The following ZNF585B variants were observed in gnomAD, a reference collection of about 807,000 sequenced individuals.
ZNF585B encodes the protein zinc finger protein 41-like protein.
In ZNF585B, 7 loss-of-function variants were observed where a neutral mutation model predicts 14.0. The observed-to-expected ratio is 0.50, with a 90% CI of 0.28 to 0.94. ZNF585B has a LOEUF of 0.94. Among genes scored for constraint, ZNF585B ranks in the 40% least tolerant of loss-of-function variants. The pLI is 0.09. For missense variants in ZNF585B, 750 were observed against 924.4 expected (o/e 0.81, Z 2.45); for synonymous variants, 290 against 317.3 (o/e 0.91, Z 0.91).
At chr19:37,199,144 C>A in intron 2 of ZNF585B, 2 of 612,430 alleles carry the variant, frequency 3.3e-6, no homozygotes, top group Non-Finnish European at 5.5e-6. Flanking sequence ...AACCCCCAAA[C>A]CCTATGTTAT....
Position 37,185,678 on chromosome 19 carries a change from T to C in ZNF585B, c.1859A>G (p.Gln620Arg). 2 of 1,608,862 alleles carry C rather than the reference T, an allele frequency of 1.2e-6. No individual in the cohort carries two copies. Among genetic ancestry groups the C allele is most frequent in the African/African-American group, 1.3e-5 (1 of 74,692 alleles). ...DCGKSFTSKS[Q>R]LLVHQPVHTG... ...GTGAACTGGCTGATGCACCAGGAGC[T>C]GAGACTTGGAGGTAAAGGACTTCCC... The change falls in exon 5 of 5, where the codon CAG (glutamine) becomes CGG (arginine). Residue 620 changes from glutamine (Q) to arginine (R), a missense_variant. Physicochemically the swap from Gln to Arg is conservative, Grantham distance 43. Around this residue, in one of 2 missense-constraint regions of ZNF585B, gnomAD observed 233 missense variants for 354.1 expected, o/e 0.66. Transcript: ENST00000532828.
In ZNF585B at chr19:37,183,740, G is replaced by T. The variant is rs1169365987; in HGVS notation, c.*1487C>A. 1.3e-5 allele frequency: 2 copies of T among 152,196 alleles called. No homozygotes were observed. The highest frequency in any genetic ancestry group is 2.9e-5 in the Non-Finnish European group (2 of 68,024). The allele number at this position is 152,196 out of a possible 1,614,324, so 9.4% of individuals were successfully genotyped here. A position where few individuals can be genotyped will look rare whatever the true frequency, so the allele number is the denominator to read the frequency against. ...GGGGAAGGTCCTTGTGGGGTGCGTG[G>T]GACGAAGATGGACACAAGTAGACAG... is the stretch of plus-strand genomic sequence containing the variant. On this transcript the variant is annotated 3_prime_UTR_variant, in exon 5 of 5. Coordinates refer to ENST00000532828, the MANE Select transcript of ZNF585B (RefSeq NM_152279.4).
chr19:37,201,620 A>G (rs1352408026), intron 2 of ZNF585B, among the ~76,000 whole-genome samples: 2 of 152,204 alleles, frequency 1.3e-5, no homozygotes, highest in Non-Finnish European at 2.9e-5. Flanking sequence ...AAAACCTTTA[A>G]TGTTATGCCA....
rs1972272717 is a variant in ZNF585B, at chr19:37,182,065, G to A, written c.*3162C>T. On this transcript the variant is annotated 3_prime_UTR_variant, in exon 5 of 5. Coordinates refer to ENST00000532828, the MANE Select transcript of ZNF585B (RefSeq NM_152279.4). ...TCTGAAGGGGGATGTTGATGATGGGGGAGGCTGTGTATATGTGAGGGTAGG... is the reference window on the plus strand; with the variant it reads ...TCTGAAGGGGGATGTTGATGATGGGAGAGGCTGTGTATATGTGAGGGTAGG... The A allele has an allele frequency of 6.6e-6, 1 of 152,062 alleles. No individual in the cohort carries two copies. Among genetic ancestry groups the A allele is most frequent in the African/African-American group, 2.4e-5 (1 of 41,388 alleles). 9.4% of individuals were successfully genotyped at this position (152,062 alleles called of 1,614,324 possible).
intron 2 of ZNF585B, among the ~76,000 whole-genome samples, chr19:37,206,606 GA>G (rs1972590232): frequency 1.3e-5 from 2 of 152,126 alleles, no homozygotes; most frequent in African/African-American, 4.8e-5. Flanking sequence ...GAAATACATA[GA>G]AAATAGTAGA....
At chr19:37,200,579 G>A (rs1972521360) in intron 2 of ZNF585B, among the ~76,000 whole-genome samples, 2 of 148,270 alleles carry the variant, frequency 1.3e-5, no homozygotes, top group Non-Finnish European at 3.0e-5. Context: ...AGCACAAAAG[G>A]TGGCAAAGAC....
chr19:37,205,354 A>G (rs566840909), intron 2 of ZNF585B, among the ~76,000 whole-genome samples: 1 of 152,362 alleles, frequency 6.6e-6, no homozygotes, highest in South Asian at 2.1e-4. Context: ...CCACGTGACT[A>G]GAACCCTGAA....
Position 37,189,736 on chromosome 19 carries a change from G to T in ZNF585B, c.217C>A (p.Pro73Thr), listed in dbSNP as rs754051015. The change falls in exon 4 of 5, where the codon CCA becomes ACA. Residue 73 changes from proline to threonine, a missense_variant. Physicochemically the swap from Pro to Thr is conservative, Grantham distance 38 (BLOSUM62 -1). Coordinates refer to ENST00000532828, the MANE Select transcript of ZNF585B (RefSeq NM_152279.4). Reference sequence around the variant, plus strand: ...CCTTGCTCCAACATGACCACCTCTGGTTTAGGAACTTGATACCCTGTTCAT... The same window carrying T: ...CCTTGCTCCAACATGACCACCTCTGTTTTAGGAACTTGATACCCTGTTCAT... Reference protein sequence around the residue: ...LLSVGYQVPKPEVVMLEQGKE... With the variant: ...LLSVGYQVPKTEVVMLEQGKE... The T allele has an allele frequency of 6.2e-7, 1 of 1,614,046 alleles. No homozygotes were observed.
At chr19:37,202,646 T>TGG (rs1599768274) in intron 2 of ZNF585B, among the ~76,000 whole-genome samples, 1 of 148,620 alleles carries the variant, frequency 6.7e-6, no homozygotes, top group East Asian at 2.0e-4. Flanking sequence ...CATGGTTTTT[T>TGG]TTTTTTTTTT....
chr19:37,186,087 G>A lies in ZNF585B; in HGVS notation c.1450C>T (p.His484Tyr). The change falls in exon 5 of 5, where the codon CAT becomes TAT. Residue 484 changes from histidine (H) to tyrosine (Y), a missense_variant. Around this residue, in one of 2 missense-constraint regions of ZNF585B, gnomAD observed 233 missense variants for 354.1 expected, o/e 0.66. Coordinates refer to ENST00000532828, the MANE Select transcript of ZNF585B (RefSeq NM_152279.4). ...AFTNRSNLIT[H>Y]QKTHTGEKSY... is the part of the protein sequence containing the mutation. ...TTCTCTCCTGTATGAGTTTTCTGATGTGTAATGAGATTTGACCGGTTGGTG... is the reference window on the plus strand; with the variant it reads ...TTCTCTCCTGTATGAGTTTTCTGATATGTAATGAGATTTGACCGGTTGGTG... 6.2e-7 allele frequency: 1 copy of A among 1,614,040 alleles called. No individual in the cohort carries two copies. Among genetic ancestry groups the A allele is most frequent in the African/African-American group, 1.3e-5 (1 of 75,010 alleles).
At chr19:37,195,068 G>A (rs968549678) in intron 2 of ZNF585B, among the ~76,000 whole-genome samples, 2 of 152,012 alleles carry the variant, frequency 1.3e-5, no homozygotes, top group African/African-American at 2.4e-5. Flanking sequence ...ACACCTGGCC[G>A]GGCATGATGG....
Position 37,181,855 on chromosome 19 carries a change from G to A in ZNF585B, c.*3372C>T, listed in dbSNP as rs956357437. On this transcript the variant is annotated 3_prime_UTR_variant, in exon 5 of 5. Coordinates refer to ENST00000532828, the MANE Select transcript of ZNF585B (RefSeq NM_152279.4). ...AGAAAATAGCCAGGAGTTTAGAGGA[G>A]TAGGCGAAACACAGAGGATTATTGG... The A allele has an allele frequency of 5.3e-5, 8 of 152,240 alleles. No homozygotes were observed. Among genetic ancestry groups the A allele is most frequent in the Non-Finnish European group, 1.2e-4 (8 of 68,044 alleles). 9.4% of individuals were successfully genotyped at this position (152,240 alleles called of 1,614,324 possible). A position where few individuals can be genotyped will look rare whatever the true frequency, so the allele number is the denominator to read the frequency against.
chr19:37,194,447 C>T (rs183197515), intron 2 of ZNF585B, among the ~76,000 whole-genome samples: 53 of 152,300 alleles, frequency 3.5e-4, no homozygotes, highest in Non-Finnish European at 6.6e-4. Context: ...AACCCCATCT[C>T]TGCTAAAAAT....
At chr19:37,198,116 A>G (rs545890905) in intron 2 of ZNF585B, among the ~76,000 whole-genome samples, 2 of 152,054 alleles carry the variant, frequency 1.3e-5, no homozygotes, top group Admixed American at 1.3e-4. Context: ...GTGGATAGAG[A>G]GCTTATGATT....
Position 37,183,018 on chromosome 19 carries a change from A to T in ZNF585B, c.*2209T>A, listed in dbSNP as rs1166795841. 1.3e-5 allele frequency: 2 copies of T among 152,232 alleles called. No homozygotes were observed. Among genetic ancestry groups the T allele is most frequent in the Admixed American group, 6.5e-5 (1 of 15,286 alleles). The allele number at this position is 152,232 out of a possible 1,614,324, so 9.4% of individuals were successfully genotyped here. Reference sequence around the variant, plus strand: ...GGTGTGTGGATTGGGTTCTGGAGTAAATGCGGCTCTGTCGAGTTGCAACTG... The same window carrying T: ...GGTGTGTGGATTGGGTTCTGGAGTATATGCGGCTCTGTCGAGTTGCAACTG... On this transcript the variant is annotated 3_prime_UTR_variant, in exon 5 of 5. Coordinates refer to ENST00000532828, the MANE Select transcript of ZNF585B (RefSeq NM_152279.4).
intron 2 of ZNF585B, 32 bp from the exon 3 acceptor site, chr19:37,190,182 A>T: frequency 6.2e-7 from 1 of 1,613,896 alleles, no homozygotes; most frequent in Admixed American, 1.7e-5. Context: ...CAATGTGCAT[A>T]GTCAGCTTTG....
At chr19:37,197,794 C>T (rs1391739409) in intron 2 of ZNF585B, among the ~76,000 whole-genome samples, 1 of 152,156 alleles carries the variant, frequency 6.6e-6, no homozygotes, top group Admixed American at 6.6e-5. Context: ...TGAGAAGTAT[C>T]TGTTTGCCAT....
rs1479966683 is a variant in ZNF585B, at chr19:37,182,784, C to G, written c.*2443G>C. On this transcript the variant is annotated 3_prime_UTR_variant, in exon 5 of 5. Coordinates refer to ENST00000532828, the MANE Select transcript of ZNF585B (RefSeq NM_152279.4). ...TAAAGGTGAAACCATCTTTGCAGAGCCCAAATAGTTCCCACTCCCAGAACT... is the reference window on the plus strand; with the variant it reads ...TAAAGGTGAAACCATCTTTGCAGAGGCCAAATAGTTCCCACTCCCAGAACT... The G allele has an allele frequency of 6.6e-6, 1 of 152,382 alleles. No homozygotes were observed. Among genetic ancestry groups the G allele is most frequent in the Non-Finnish European group, 1.5e-5 (1 of 68,184 alleles). The allele number at this position is 152,382 out of a possible 1,614,324, so 9.4% of individuals were successfully genotyped here. A position where few individuals can be genotyped will look rare whatever the true frequency, so the allele number is the denominator to read the frequency against.
chr19:37,196,715 T>C (rs529823325), intron 2 of ZNF585B, among the ~76,000 whole-genome samples: 43 of 152,272 alleles, frequency 2.8e-4, no homozygotes, highest in Non-Finnish European at 1.3e-4. Flanking sequence ...ATAATAAATA[T>C]ATTTTCTCTT....
Sources: gnomAD v4.1 joint callset for allele counts (sites outside exome capture counted in the v4.1 genomes callset) on GRCh38, gnomAD v4.1.1 for gene constraint, gnomAD v4.1.1 regional missense constraint, MANE v1.5 for transcripts, NCBI Gene and HGNC (gene_info 2026-07-23, HGNC 2026-07-21) for gene names.